Variants in B3GALT1 observed in about 807,000 individuals in gnomAD.
B3GALT1 encodes beta-1,3-galactosyltransferase 1.
B3GALT1 carries 10 observed loss-of-function variants against 23.2 expected under a neutral mutation model. That is an observed-to-expected ratio of 0.43 (90% CI 0.27 to 0.73). B3GALT1 has a LOEUF of 0.73. Among genes scored for constraint, B3GALT1 ranks in the 30% least tolerant of loss-of-function variants. The pLI is 0.21. For missense variants in B3GALT1, 299 were observed against 405.4 expected, an observed-to-expected ratio of 0.74 and a Z score of 2.25; for synonymous variants, 156 against 141.5, an observed-to-expected ratio of 1.10 and a Z score of -0.73.
intron 1 of B3GALT1, among the ~76,000 whole-genome samples, chr2:167,417,697 G>C (rs1471652727): frequency 6.6e-6 from 1 of 152,224 alleles, no homozygotes; most frequent in Admixed American, 6.5e-5. Context: ...ATAAGGGTTA[G>C]TCTACGAGTG....
At chr2:167,840,919 C>T (rs1055624150) in intron 4 of B3GALT1, among the ~76,000 whole-genome samples, 20 of 144,152 alleles carry the variant, frequency 1.4e-4, no homozygotes, top group African/African-American at 3.3e-4. Context: ...AGTAAACTAT[C>T]GAAGAACAAA....
At chr2:167,470,928 A>T (rs1481633510) in intron 1 of B3GALT1, among the ~76,000 whole-genome samples, 2 of 152,192 alleles carry the variant, frequency 1.3e-5, no homozygotes, top group Non-Finnish European at 2.9e-5. Flanking sequence ...TGCTCTAAGG[A>T]TTCCTTATTC....
chr2:167,610,450 G>A, intron 2 of B3GALT1, among the ~76,000 whole-genome samples: 1 of 151,974 alleles, frequency 6.6e-6, no homozygotes, highest in East Asian at 1.9e-4. Context: ...TCACAATCAA[G>A]ATTGTGTTCA....
At chr2:167,650,965 T>G (rs1685852704) in intron 3 of B3GALT1, among the ~76,000 whole-genome samples, 1 of 152,160 alleles carries the variant, frequency 6.6e-6, no homozygotes, top group African/African-American at 2.4e-5. Context: ...TAAATGCTCC[T>G]TAATTATGTG....
chr2:167,797,038 C>T (rs1688555932), intron 3 of B3GALT1, among the ~76,000 whole-genome samples: 2 of 152,036 alleles, frequency 1.3e-5, no homozygotes, highest in Admixed American at 6.6e-5. Context: ...CAGAGGTAAA[C>T]GTGTGCCATG....
intron 2 of B3GALT1, among the ~76,000 whole-genome samples, chr2:167,580,559 G>A (rs985419284): frequency 1.3e-5 from 2 of 152,086 alleles, no homozygotes; most frequent in Non-Finnish European, 2.9e-5. Flanking sequence ...CAAAGCCCCT[G>A]TGTCCTCCCT....
At chr2:167,595,916 G>A (rs923374406) in intron 2 of B3GALT1, among the ~76,000 whole-genome samples, 4 of 152,138 alleles carry the variant, frequency 2.6e-5, no homozygotes, top group Non-Finnish European at 5.9e-5. Context: ...AAGCTTTTCA[G>A]TTCTTATCAC....
intron 1 of B3GALT1, among the ~76,000 whole-genome samples, chr2:167,445,062 G>T (rs1211565662): frequency 1.3e-5 from 2 of 152,186 alleles, no homozygotes; most frequent in Non-Finnish European, 2.9e-5. Flanking sequence ...CTGGTATGTT[G>T]TGTCTTTGTT....
intron 1 of B3GALT1, among the ~76,000 whole-genome samples, chr2:167,346,696 A>G (rs967019184): frequency 6.6e-6 from 1 of 151,546 alleles, no homozygotes; most frequent in African/African-American, 2.4e-5. Flanking sequence ...ACCATCACAT[A>G]AAAAGTATCA....
At chr2:167,450,932 G>A (rs1014333215) in intron 1 of B3GALT1, among the ~76,000 whole-genome samples, 9 of 151,544 alleles carry the variant, frequency 5.9e-5, no homozygotes, top group East Asian at 3.9e-4. Context: ...ATGTTAATTC[G>A]GAAACTTTGT....
chr2:167,435,721 A>G (rs76244152), intron 1 of B3GALT1, among the ~76,000 whole-genome samples: 16,333 of 152,068 alleles, frequency 0.11, 998 homozygotes, highest in African/African-American at 0.17. Flanking sequence ...TGTCTAATCT[A>G]TCATCGTTAA....
rs112530975 is a variant in B3GALT1, at chr2:167,435,874, C to T, written c.-510-54303C>T. On this transcript the variant is annotated intron_variant, in intron 1 of 4. Transcript: ENST00000392690. The stretch of plus-strand genomic sequence containing the variant: ...ATTACTTGAAGAAGAACATTTAGTC[C>T]CTATTTGGTGGGTATGAATTTCTCT... Among the ~76,000 whole-genome samples, 575 of 151,386 alleles carry T rather than the reference C, an allele frequency of 3.8e-3. 6 individuals are homozygous for T. Among genetic ancestry groups the T allele is most frequent in the African/African-American group, 0.013 (550 of 41,246 alleles).
intron 3 of B3GALT1, among the ~76,000 whole-genome samples, chr2:167,708,604 T>A (rs1250629320): frequency 1.3e-5 from 2 of 152,172 alleles, no homozygotes; most frequent in Admixed American, 1.3e-4. Context: ...GAGGTTGCGG[T>A]GAGCTGAGAT....
At chr2:167,301,497 A>G (rs540625069) in intron 1 of B3GALT1, among the ~76,000 whole-genome samples, 9 of 152,270 alleles carry the variant, frequency 5.9e-5, no homozygotes, top group African/African-American at 1.7e-4. Flanking sequence ...TCAGTGGATC[A>G]TTGGGCACTT....
chr2:167,466,664 A>T (rs939804679), intron 1 of B3GALT1, among the ~76,000 whole-genome samples: 19 of 144,340 alleles, frequency 1.3e-4, no homozygotes, highest in African/African-American at 4.8e-4. Flanking sequence ...AAAGCTGTTA[A>T]CTTGTTCTCA....
At chr2:167,658,504 A>C (rs1347699143) in intron 3 of B3GALT1, among the ~76,000 whole-genome samples, 1 of 152,116 alleles carries the variant, frequency 6.6e-6, no homozygotes, top group Non-Finnish European at 1.5e-5. Flanking sequence ...TTTGCTCCTG[A>C]GAACAGATTA....
intron 2 of B3GALT1, among the ~76,000 whole-genome samples, chr2:167,583,764 T>A (rs1239334874): frequency 6.6e-6 from 1 of 151,980 alleles, no homozygotes; most frequent in Non-Finnish European, 1.5e-5. Flanking sequence ...ACAGTGTTTT[T>A]AATAATCTGA....
At chr2:167,527,101 T>C (rs1683234171) in intron 2 of B3GALT1, among the ~76,000 whole-genome samples, 2 of 152,302 alleles carry the variant, frequency 1.3e-5, no homozygotes, top group South Asian at 4.1e-4. Flanking sequence ...AATCATATCC[T>C]ATGATATGAT....
intron 2 of B3GALT1, among the ~76,000 whole-genome samples, chr2:167,525,786 T>A (rs1041174256): frequency 4.6e-5 from 7 of 151,482 alleles, no homozygotes; most frequent in African/African-American, 7.3e-5. Flanking sequence ...TTTTTTTTTT[T>A]TTTATTTTGT....
Sources: allele counts gnomAD v4.1 joint callset (sites outside exome capture counted in the v4.1 genomes callset), GRCh38; gene constraint gnomAD v4.1.1; transcripts MANE v1.5; gene names NCBI Gene and HGNC (gene_info 2026-07-23, HGNC 2026-07-21).